ADAMTS12: variants seen among roughly 807,000 people sequenced by gnomAD.
ADAMTS12 encodes ADAM metallopeptidase with thrombospondin type 1 motif 12.
A neutral mutation model predicts 167.8 loss-of-function variants in ADAMTS12; 118 were observed. The ratio of observed to expected loss-of-function variants is 0.70; its 90% CI spans 0.61 to 0.82. ADAMTS12 has a LOEUF of 0.82. ADAMTS12 is among the 40% of genes least tolerant of loss of function. The pLI is 0.00. For synonymous variants in ADAMTS12, 704 were observed against 716.9 expected (o/e 0.98, Z 0.29); for missense variants, 1,916 against 1,998.8 (o/e 0.96, Z 0.79).
intron 12 of ADAMTS12, among the ~76,000 whole-genome samples, chr5:33,637,321 G>C (rs1007474827): frequency 1.3e-5 from 2 of 152,150 alleles, no homozygotes; most frequent in African/African-American, 4.8e-5. Flanking sequence ...CACCTCAGCT[G>C]TTTTGAAGCA....
At chr5:33,809,853 G>C (rs1459543983) in intron 2 of ADAMTS12, among the ~76,000 whole-genome samples, 1 of 151,862 alleles carries the variant, frequency 6.6e-6, no homozygotes, top group Non-Finnish European at 1.5e-5. Context: ...CAGGCAGATG[G>C]GAGGCAGTAC....
At chr5:33,876,196 T>C (rs1369653255) in intron 2 of ADAMTS12, among the ~76,000 whole-genome samples, 1 of 152,186 alleles carries the variant, frequency 6.6e-6, no homozygotes, top group Admixed American at 6.5e-5. Flanking sequence ...ATCACAAGAC[T>C]TGACATAGCA....
In ADAMTS12 at chr5:33,887,416, G is replaced by C. The variant is rs138929617; in HGVS notation, c.127+4314C>G. ...CTCACTGTGTGCATCTCCAGGGTCTGTCACCTAGCACAGATGTCAAGGCGG... is the reference window on the plus strand; with the variant it reads ...CTCACTGTGTGCATCTCCAGGGTCTCTCACCTAGCACAGATGTCAAGGCGG... On this transcript the variant is annotated intron_variant, in intron 1 of 23. Transcript: ENST00000504830. Among the ~76,000 whole-genome samples the C allele has an allele frequency of 4.9e-3, 753 of 152,264 alleles. 7 individuals are homozygous for C. Among genetic ancestry groups the C allele is most frequent in the African/African-American group, 0.018 (730 of 41,558 alleles).
rs184531315 is a variant in ADAMTS12, at chr5:33,708,472, T to C, written c.635-24417A>G. ...TATATACCCAAAGGATTATAAATCA[T>C]TCTACTATAAAGACACATGCACACA... On this transcript the variant is annotated intron_variant, in intron 3 of 23. Transcript: ENST00000504830. Among the ~76,000 whole-genome samples the C allele has an allele frequency of 2.1e-3, 315 of 152,328 alleles. 2 individuals are homozygous for C. Among genetic ancestry groups the C allele is most frequent in the African/African-American group, 7.3e-3 (304 of 41,566 alleles).
At chr5:33,532,058 C>T (rs576809024) in intron 23 of ADAMTS12, among the ~76,000 whole-genome samples, 1 of 152,330 alleles carries the variant, frequency 6.6e-6, no homozygotes, top group East Asian at 1.9e-4. Flanking sequence ...TTCCAAAGTA[C>T]ATACAATGCT....
intron 2 of ADAMTS12, among the ~76,000 whole-genome samples, chr5:33,814,722 A>C (rs772755525): frequency 3.3e-5 from 5 of 152,202 alleles, no homozygotes; most frequent in Non-Finnish European, 7.3e-5. Context: ...TGGAGAGGCA[A>C]GTGTACAACA....
intron 5 of ADAMTS12, among the ~76,000 whole-genome samples, chr5:33,665,232 C>T (rs1003887408): frequency 1.3e-5 from 2 of 152,032 alleles, no homozygotes; most frequent in African/African-American, 2.4e-5. Context: ...AGATCAGGGG[C>T]TGGGGGAGGA....
At chr5:33,615,439 A>T (rs550008049) in intron 15 of ADAMTS12, among the ~76,000 whole-genome samples, 1 of 152,296 alleles carries the variant, frequency 6.6e-6, no homozygotes, top group East Asian at 1.9e-4. Flanking sequence ...CCTTCCAGCA[A>T]GAATTTCACA....
At chr5:33,857,048 G>A (rs761875842) in intron 2 of ADAMTS12, among the ~76,000 whole-genome samples, 6 of 152,162 alleles carry the variant, frequency 3.9e-5, no homozygotes, top group East Asian at 1.9e-4. Flanking sequence ...ACATGTACAC[G>A]TGTGTATATG....
intron 3 of ADAMTS12, among the ~76,000 whole-genome samples, chr5:33,739,272 CACACACATATAGGCAA>C (rs891128658): frequency 4.6e-5 from 7 of 152,018 alleles, no homozygotes; most frequent in African/African-American, 1.7e-4. Flanking sequence ...CACATAAACA[CACACACATATAGGCAA>C]ACACACACAC....
At chr5:33,688,592 G>T (rs10472882) in intron 3 of ADAMTS12, among the ~76,000 whole-genome samples, 34,201 of 152,050 alleles carry the variant, frequency 0.22, 4,028 homozygotes, top group East Asian at 0.42. Context: ...CAGTGTCCAC[G>T]GCAGCCAGGC....
intron 19 of ADAMTS12, among the ~76,000 whole-genome samples, chr5:33,570,531 C>T (rs909765853): frequency 1.2e-4 from 19 of 152,188 alleles, no homozygotes; most frequent in African/African-American, 3.9e-4. Flanking sequence ...AAATCCTTTA[C>T]AGACAAGCAA....
At chr5:33,611,661 T>C (rs952389183) in intron 16 of ADAMTS12, among the ~76,000 whole-genome samples, 1 of 152,162 alleles carries the variant, frequency 6.6e-6, no homozygotes, top group Non-Finnish European at 1.5e-5. Flanking sequence ...GACCATTTTT[T>C]TACACAGGTC....
intron 3 of ADAMTS12, among the ~76,000 whole-genome samples, chr5:33,733,998 TAC>T (rs147754057): frequency 0.016 from 2,188 of 139,410 alleles, 40 homozygotes; most frequent in South Asian, 0.051. Context: ...ACTTCCCCAC[TAC>T]ACACACACAC....
intron 5 of ADAMTS12, among the ~76,000 whole-genome samples, chr5:33,671,784 A>G (rs1249192407): frequency 1.3e-5 from 2 of 150,302 alleles, no homozygotes; most frequent in Non-Finnish European, 3.0e-5. Context: ...ATACACACAC[A>G]ACCATATATC....
chr5:33,630,843 A>G lies in ADAMTS12; in HGVS notation c.1959T>C (p.Ile653=), dbSNP rs1187049342. ...QFSEKMLDAV[I]DGTPCFEGGN... is the part of the protein sequence containing the mutation. ...CGCCTTCAAAGCAAGGGGTACCATC[A>G]ATGACAGCATCCAGCATTTTCTCAG... The change falls in exon 13 of 24, where the codon ATT becomes ATC. Residue 653 remains isoleucine (I), a synonymous_variant. Transcript: ENST00000504830. 1 of 1,613,638 alleles carries G rather than the reference A, an allele frequency of 6.2e-7. No homozygotes were observed. The highest frequency in any genetic ancestry group is 8.5e-7 in the Non-Finnish European group (1 of 1,179,744).
chr5:33,868,622 T>C (rs1458738774), intron 2 of ADAMTS12, among the ~76,000 whole-genome samples: 1 of 152,210 alleles, frequency 6.6e-6, no homozygotes, highest in East Asian at 1.9e-4. Context: ...AGATGTGGCC[T>C]GGCTGTTTCT....
At chr5:33,630,542 C>T (rs1000557632) in intron 13 of ADAMTS12, among the ~76,000 whole-genome samples, 2 of 152,070 alleles carry the variant, frequency 1.3e-5, no homozygotes, top group Non-Finnish European at 2.9e-5. Flanking sequence ...AAAACAATAT[C>T]GTAGTGCACA....
chr5:33,848,256 T>C (rs1178902060), intron 2 of ADAMTS12, among the ~76,000 whole-genome samples: 1 of 149,930 alleles, frequency 6.7e-6, no homozygotes, highest in Non-Finnish European at 1.5e-5. Context: ...CCTGAGTACC[T>C]GGAGTTGCCC....
Sources: gnomAD v4.1 joint callset for allele counts (sites outside exome capture counted in the v4.1 genomes callset) on GRCh38, gnomAD v4.1.1 for gene constraint, MANE v1.5 for transcripts, NCBI Gene and HGNC (gene_info 2026-07-23, HGNC 2026-07-21) for gene names.